Variants in VIT observed in about 807,000 individuals in gnomAD.
VIT encodes vitrin.
VIT carries 99 observed loss-of-function variants against 78.0 expected under a neutral mutation model. The ratio of observed to expected loss-of-function variants is 1.27; its 90% confidence interval spans 1.08 to 1.50. VIT has a LOEUF of 1.50. VIT is among the 40% of genes most tolerant of loss of function. The probability of loss-of-function intolerance (pLI) is 0.00; values close to 1 mark genes in which losing one functional copy is unlikely to be tolerated. For synonymous variants in VIT, 374 were observed against 334.3 expected (o/e 1.12, Z -1.29); for missense variants, 1,126 against 875.3 (o/e 1.29, Z -3.61).
intron 3 of VIT, among the ~76,000 whole-genome samples, chr2:36,732,544 T>C (rs889633846): frequency 1.1e-4 from 16 of 152,348 alleles, no homozygotes; most frequent in Middle Eastern, 6.8e-3. Context: ...TCTTTTTTTT[T>C]CTATTCAACA....
At chr2:36,814,119 A>T in intron 15 of VIT, 64 bp from the exon 16 acceptor site, 3 of 1,571,764 alleles carry the variant, frequency 1.9e-6, no homozygotes, top group East Asian at 4.5e-5. Flanking sequence ...CCACAAGAAG[A>T]GAGAGATTCT....
Position 36,718,723 on chromosome 2 carries a change from C to T in VIT, c.52+2301C>T, listed in dbSNP as rs1370237433. ...CTTCTAGGTACCTGGACCAGGAGCC[C>T]TCCCCCAGCCACTGCTATTATCCTC... is the stretch of plus-strand genomic sequence containing the variant. On this transcript the variant is annotated intron_variant, in intron 2 of 15. Transcript: ENST00000379242. 2.0e-5 allele frequency among the ~76,000 whole-genome samples: 3 copies of T among 152,288 alleles called. No homozygotes were observed. In the East Asian group the frequency reaches 5.8e-4, roughly 29 times the overall value.
In VIT at chr2:36,802,765, T is replaced by C. The variant is rs1219506315; in HGVS notation, c.1162+1361T>C. 2.0e-5 allele frequency among the ~76,000 whole-genome samples: 3 copies of C among 152,370 alleles called. No individual in the cohort carries two copies. The East Asian group carries it at 5.8e-4, about 29-fold the overall frequency. ...AGCATACGTTTTTCAGTGGATGACA[T>C]GTTCTGACTTTGCCTCTGTATTGTC... On this transcript the variant is annotated intron_variant, in intron 13 of 15. Transcript: ENST00000379242.
intron 3 of VIT, among the ~76,000 whole-genome samples, chr2:36,735,498 T>C (rs1667460273): frequency 6.6e-6 from 1 of 152,200 alleles, no homozygotes; most frequent in African/African-American, 2.4e-5. Context: ...GCTTGTGCAG[T>C]CTAGAAGATT....
At chr2:36,715,991 A>G (rs949105461) in intron 1 of VIT, among the ~76,000 whole-genome samples, 3 of 152,234 alleles carry the variant, frequency 2.0e-5, no homozygotes, top group African/African-American at 7.2e-5. Context: ...AGTATTAATA[A>G]TTGTAATCTA....
chr2:36,805,309 A>AG (rs1299992314), intron 13 of VIT, 129 bp from the exon 14 acceptor site: 1 of 389,934 alleles, frequency 2.6e-6, no homozygotes, highest in Non-Finnish European at 3.3e-6. Flanking sequence ...GTCTCAAAGG[A>AG]AAAAAAAAAA....
intron 4 of VIT, 87 bp from the exon 5 acceptor site, chr2:36,754,834 T>A: frequency 2.7e-6 from 4 of 1,465,522 alleles, no homozygotes; most frequent in Non-Finnish European, 3.7e-6. Context: ...TATGTGTAAA[T>A]AAAGATGGCG....
At chr2:36,714,473 C>G (rs1666002134) in intron 1 of VIT, among the ~76,000 whole-genome samples, 1 of 151,972 alleles carries the variant, frequency 6.6e-6, no homozygotes, top group African/African-American at 2.4e-5. Flanking sequence ...AACCAGTACA[C>G]CACTGAACAC....
rs1491425419 is a variant in VIT, at chr2:36,708,118, CCG to C, written c.-18-8233_-18-8232del. On this transcript the variant is annotated intron_variant, in intron 1 of 15. Transcript: ENST00000379242. ...CCACATTGTAAAGGACCTCCCCCCC[CCG>C]CCCACCTAGTGCCAGCTTCCTTTTC... 6.0e-5 allele frequency among the ~76,000 whole-genome samples: 9 copies of C among 149,516 alleles called. No individual in the cohort carries two copies. The South Asian group carries it at 1.1e-3, about 18-fold the overall frequency.
At chr2:36,767,977 C>G (rs1349735756) in intron 7 of VIT, among the ~76,000 whole-genome samples, 1 of 152,198 alleles carries the variant, frequency 6.6e-6, no homozygotes, top group East Asian at 1.9e-4. Context: ...GAATATTTCC[C>G]ACCTGGTGCC....
At chr2:36,791,718 G>C (rs979109858) in intron 12 of VIT, among the ~76,000 whole-genome samples, 1 of 152,204 alleles carries the variant, frequency 6.6e-6, no homozygotes, top group Non-Finnish European at 1.5e-5. Flanking sequence ...GAAACACCAG[G>C]AAACAGATTC....
chr2:36,743,140 C>A lies in VIT; in HGVS notation c.159C>A (p.Ile53=), dbSNP rs374834150. The A allele has an allele frequency of 1.8e-5, 29 of 1,613,938 alleles. No individual in the cohort carries two copies. Among genetic ancestry groups the A allele is most frequent in the Non-Finnish European group, 1.2e-5 (14 of 1,179,958 alleles). The change falls in exon 4 of 16, where the codon ATC becomes ATA. Residue 53 remains isoleucine (I), a synonymous_variant. Coordinates refer to ENST00000379242, the MANE Select transcript of VIT (RefSeq NM_053276.4). ...ACTGCGATGTCAAAGCCGGAAAGAT[C>A]ATCGATCCTGAGTTCATTGTGAAAT... ...QINCDVKAGK[I]IDPEFIVKCP...
intron 4 of VIT, among the ~76,000 whole-genome samples, chr2:36,745,196 A>G (rs1472961515): frequency 2.0e-5 from 3 of 152,052 alleles, no homozygotes; most frequent in African/African-American, 7.2e-5. Context: ...TTGTACTGAC[A>G]CCATGTTGTT....
chr2:36,775,793 G>C (rs1338611272), intron 9 of VIT, among the ~76,000 whole-genome samples: 1 of 150,770 alleles, frequency 6.6e-6, no homozygotes, highest in Admixed American at 6.6e-5. Context: ...CTGACTTAAA[G>C]GACTCCCCCA....
intron 5 of VIT, 70 bp downstream of exon 5, chr2:36,755,124 GT>G: frequency 6.8e-7 from 1 of 1,473,582 alleles, no homozygotes; most frequent in Non-Finnish European, 9.0e-7. Flanking sequence ...TCATTGTGCT[GT>G]TGGTTTTTGT....
intron 13 of VIT, among the ~76,000 whole-genome samples, chr2:36,804,761 T>C (rs111406431): frequency 0.066 from 9,903 of 150,010 alleles, 371 homozygotes; most frequent in Non-Finnish European, 0.073. Context: ...ACCTGGGAGG[T>C]GGAGGTTGCA....
At chr2:36,795,666 C>T (rs1336203221) in intron 12 of VIT, among the ~76,000 whole-genome samples, 1 of 152,098 alleles carries the variant, frequency 6.6e-6, no homozygotes, top group Non-Finnish European at 1.5e-5. Context: ...CCGCCTGCCT[C>T]GGCCTCCTAA....
intron 13 of VIT, among the ~76,000 whole-genome samples, chr2:36,802,448 C>G (rs2148667743): frequency 6.6e-6 from 1 of 152,330 alleles, no homozygotes; most frequent in South Asian, 2.1e-4. Flanking sequence ...CTCAGAGTTA[C>G]AGTAAATCCG....
intron 13 of VIT, among the ~76,000 whole-genome samples, chr2:36,802,699 C>T (rs1042189630): frequency 2.0e-5 from 3 of 152,216 alleles, no homozygotes; most frequent in African/African-American, 7.2e-5. Context: ...AGAAGGCACT[C>T]TCGTTCCTTG....
Sources: allele counts gnomAD v4.1 joint callset (sites outside exome capture counted in the v4.1 genomes callset), GRCh38; gene constraint gnomAD v4.1.1; transcripts MANE v1.5; gene names NCBI Gene and HGNC (gene_info 2026-07-23, HGNC 2026-07-21).